ZMYM4: variants seen among roughly 807,000 people sequenced by gnomAD.
ZMYM4 encodes the protein zinc finger MYM-type protein 4.
Under a neutral mutation model 183.2 loss-of-function variants are expected in ZMYM4, and 31 were observed. That is an observed-to-expected ratio of 0.17 (90% confidence interval 0.13 to 0.23). ZMYM4 has a LOEUF of 0.23. Ranked by LOEUF, ZMYM4 falls within the 10% of genes least tolerant of loss-of-function variation. ZMYM4 has a pLI of 1.00. For missense variants in ZMYM4, 1,273 were observed against 1,840.3 expected (o/e 0.69, Z 5.64); for synonymous variants, 592 against 631.2 (o/e 0.94, Z 0.93).
intron 2 of ZMYM4, 93 bp downstream of exon 2, chr1:35,325,498 G>C (rs747271824): frequency 7.2e-5 from 90 of 1,254,040 alleles, no homozygotes; most frequent in Non-Finnish European, 9.8e-5. Context: ...TGTTTAGTTA[G>C]GGCTGATTTA....
intron 5 of ZMYM4, 25 bp downstream of exon 5, chr1:35,361,814 C>G (rs199894683): frequency 6.3e-7 from 1 of 1,589,174 alleles, no homozygotes; most frequent in African/African-American, 1.4e-5. Context: ...TTTTTTCCCC[C>G]CTTCTTTTTG....
At chr1:35,417,823 A>G (rs1411707055) in intron 28 of ZMYM4, among the ~76,000 whole-genome samples, 1 of 152,176 alleles carries the variant, frequency 6.6e-6, no homozygotes, top group African/African-American at 2.4e-5. Flanking sequence ...CAGACTGGCC[A>G]ACATGGTGAA....
intron 5 of ZMYM4, chr1:35,366,062 T>C (rs1213227916): frequency 6.6e-6 from 1 of 152,218 alleles, no homozygotes; most frequent in Non-Finnish European, 1.5e-5. Flanking sequence ...GAGTATTGGT[T>C]GTTTCTGGAG....
chr1:35,307,446 T>C (rs934527677), intron 1 of ZMYM4, among the ~76,000 whole-genome samples: 5 of 152,004 alleles, frequency 3.3e-5, no homozygotes, highest in African/African-American at 1.2e-4. Context: ...ATGATGTTTT[T>C]CTGTGTATCT....
chr1:35,415,407 T>G (rs1213502318), intron 27 of ZMYM4, 59 bp from the exon 28 acceptor site: 1 of 1,593,794 alleles, frequency 6.3e-7, no homozygotes, highest in Non-Finnish European at 8.6e-7. Context: ...TTTGAGAGAT[T>G]ACTTAGTCTA....
chr1:35,349,342 A>G (rs529278821), intron 2 of ZMYM4, among the ~76,000 whole-genome samples: 1 of 152,304 alleles, frequency 6.6e-6, no homozygotes, highest in South Asian at 2.1e-4. Flanking sequence ...ATCTTGGCTG[A>G]TATTAAATGA....
rs141192173 is a variant in ZMYM4 at position 35,331,927 on chromosome 1, TG to T, written c.85+6524del. On this transcript the variant is annotated intron_variant, in intron 2 of 29. Transcript: ENST00000314607. ...TAGGTTGATCAGTAGGATAAGAGGG[TG>T]GTAAAAGTATGTTGTAAATGTTTGA... 2.8e-3 allele frequency among the ~76,000 whole-genome samples: 425 copies of T among 151,952 alleles called. 15 individuals carry two copies. In the East Asian group the frequency reaches 0.074, roughly 27 times the overall value.
Position 35,421,373 on chromosome 1 carries a change from T to G in ZMYM4, c.*1696T>G, listed in dbSNP as rs80245192. The G allele has an allele frequency of 4.9e-3, 751 of 152,774 alleles. 4 individuals are homozygous for G. Among genetic ancestry groups the G allele is most frequent in the Middle Eastern group, 0.014 (4 of 294 alleles). The allele number at this position is 152,774 out of a possible 1,614,324, so 9.5% of individuals were successfully genotyped here. A position where few individuals can be genotyped will look rare whatever the true frequency, so the allele number is the denominator to read the frequency against. On this transcript the variant is annotated 3_prime_UTR_variant, in exon 30 of 30. Transcript: ENST00000314607. ...TTGTCATTTCTGACTGGAAAACTTC[T>G]TACTCCATACCTTGTTCGATATGGA...
At chr1:35,307,860 A>T (rs1641611171) in intron 1 of ZMYM4, among the ~76,000 whole-genome samples, 1 of 136,844 alleles carries the variant, frequency 7.3e-6, no homozygotes, top group African/African-American at 2.8e-5. Context: ...ACGAAGTCTT[A>T]CTTCTGTCCC....
chr1:35,338,615 C>T (rs1219547517), intron 2 of ZMYM4, among the ~76,000 whole-genome samples: 4 of 152,182 alleles, frequency 2.6e-5, no homozygotes, highest in African/African-American at 9.7e-5. Flanking sequence ...GTGGTCACCT[C>T]ACATCTGGCC....
rs557784370 is a variant in ZMYM4 at position 35,409,287 on chromosome 1, T to C, written c.3948+1128T>C. Among the ~76,000 whole-genome samples, 4 of 152,352 alleles carry C rather than the reference T, an allele frequency of 2.6e-5. No homozygotes were observed. In the South Asian group the frequency reaches 8.3e-4, roughly 32 times the overall value. ...ACACCTATTTTCAATTCTTTTGCCA[T>C]ATATGCTTAGGAGTGGAATTGCTGA... On this transcript the variant is annotated intron_variant, in intron 26 of 29. Transcript: ENST00000314607.
At chr1:35,347,115 C>T (rs1046143838) in intron 2 of ZMYM4, among the ~76,000 whole-genome samples, 2 of 152,200 alleles carry the variant, frequency 1.3e-5, no homozygotes, top group Non-Finnish European at 2.9e-5. Context: ...AAGCAGTTCT[C>T]CTGCCTCAGC....
intron 1 of ZMYM4, 69 bp downstream of exon 1, chr1:35,269,154 A>G (rs567264629): frequency 2.2e-5 from 33 of 1,533,306 alleles, no homozygotes; most frequent in East Asian, 1.0e-4. Context: ...AATGGGCCAT[A>G]CTCAGGTTCG....
chr1:35,393,509 AC>A (rs1199534531), intron 17 of ZMYM4, 85 bp from the exon 18 acceptor site: 1 of 1,252,458 alleles, frequency 8.0e-7, no homozygotes, highest in Non-Finnish European at 1.1e-6. Context: ...TTCCAATATG[AC>A]ATTTCCTTTA....
intron 5 of ZMYM4, among the ~76,000 whole-genome samples, chr1:35,363,543 A>G (rs1197467257): frequency 6.6e-6 from 1 of 152,160 alleles, no homozygotes; most frequent in Non-Finnish European, 1.5e-5. Flanking sequence ...GATTCATGTG[A>G]GTCACTGAGT....
chr1:35,283,735 T>C (rs568595979), intron 1 of ZMYM4, among the ~76,000 whole-genome samples: 33 of 152,292 alleles, frequency 2.2e-4, no homozygotes, highest in South Asian at 2.1e-4. Flanking sequence ...GTATATGTTC[T>C]CTGGAGAAAT....
chr1:35,378,386 A>G (rs556968355), intron 7 of ZMYM4, among the ~76,000 whole-genome samples: 3 of 152,330 alleles, frequency 2.0e-5, no homozygotes, highest in East Asian at 1.9e-4. Context: ...AGGAATCACT[A>G]TCTATGGCAG....
chr1:35,392,898 G>GAAAGTTTTTCTTTAATTACAC (rs1644737143), intron 17 of ZMYM4, among the ~76,000 whole-genome samples: 1 of 152,072 alleles, frequency 6.6e-6, no homozygotes, highest in African/African-American at 2.4e-5. Flanking sequence ...TGTAGTTACT[G>GAAAGTTTTTCTTTAATTACAC]AAAGTTTTTC....
chr1:35,333,487 T>G (rs1299865297), intron 2 of ZMYM4, among the ~76,000 whole-genome samples: 1 of 152,040 alleles, frequency 6.6e-6, no homozygotes, highest in Non-Finnish European at 1.5e-5. Context: ...AAGCTCCCGG[T>G]CTCAAGTTGA....
Sources: allele counts gnomAD v4.1 joint callset (sites outside exome capture counted in the v4.1 genomes callset), GRCh38; gene constraint gnomAD v4.1.1; transcripts MANE v1.5; gene names NCBI Gene and HGNC (gene_info 2026-07-23, HGNC 2026-07-21).